Variants in PXMP4 observed in about 807,000 individuals in gnomAD.
PXMP4 encodes the protein 24 kDa peroxisomal intrinsic membrane protein.
PXMP4 carries 16 observed loss-of-function variants against 21.6 expected under a neutral mutation model. The ratio of observed to expected loss-of-function variants is 0.74; its 90% confidence interval spans 0.50 to 1.13. PXMP4 has a LOEUF of 1.13. Ranked by LOEUF, PXMP4 falls within the 50% of genes most tolerant of loss-of-function variation. The pLI is 0.00. For missense variants in PXMP4, 240 were observed against 277.7 expected (o/e 0.86, Z 0.96); for synonymous variants, 127 against 123.8 (o/e 1.03, Z -0.17).
chr20:33,707,623 T>A lies in PXMP4; in HGVS notation c.*83A>T. 1 of 1,524,440 alleles carries A rather than the reference T, an allele frequency of 6.6e-7. No homozygotes were observed. 94.4% of individuals were successfully genotyped at this position (1,524,440 alleles called of 1,614,324 possible). A position where few individuals can be genotyped will look rare whatever the true frequency, so the allele number is the denominator to read the frequency against. ...ATAACACCAGTTGGAGTCTGAGGCC[T>A]ATGATCTTGAGAAGGCAGTATCCTT... is the stretch of plus-strand genomic sequence containing the variant. On this transcript the variant is annotated 3_prime_UTR_variant, in exon 4 of 4. Coordinates refer to ENST00000409299, the MANE Select transcript of PXMP4 (RefSeq NM_007238.5).
At chr20:33,718,335 CCT>C (rs1205218538) in intron 1 of PXMP4, among the ~76,000 whole-genome samples, 2 of 151,688 alleles carry the variant, frequency 1.3e-5, no homozygotes, top group East Asian at 3.9e-4. Flanking sequence ...ACGGTGAAAC[CCT>C]GTCTCTACTA....
intron 3 of PXMP4, 107 bp downstream of exon 3, chr20:33,710,444 GCCCC>G: frequency 1.2e-5 from 1 of 84,986 alleles, no homozygotes; most frequent in Non-Finnish European, 1.7e-5. Context: ...ACTGAACCAC[GCCCC>G]CTTCCATCAC....
At position 33,714,710 on chromosome 20, in the gene PXMP4, T is replaced by C. The variant is rs750954996; in HGVS notation, c.140A>G (p.His47Arg). The part of the protein sequence containing the change: ...AVYGAKIRAP[H>R]ALVMTFLFRN... ...GAAGAGAAAGGTCATGACCAGCGCG[T>C]GAGGGGCCCGGATTTTGGCTCCATA... The change falls in exon 2 of 4, where the codon CAC becomes CGC. Residue 47 changes from histidine to arginine, a missense_variant. Transcript: ENST00000409299. 10 of 1,614,040 alleles carry C rather than the reference T, an allele frequency of 6.2e-6. No homozygotes were observed. In the South Asian group the frequency reaches 9.9e-5, roughly 16 times the overall value.
At chr20:33,716,000 A>G (rs925657646) in intron 1 of PXMP4, among the ~76,000 whole-genome samples, 1 of 151,162 alleles carries the variant, frequency 6.6e-6, no homozygotes, top group Non-Finnish European at 1.5e-5. Flanking sequence ...ATGTGCCACC[A>G]TGCCTGGCTA....
At chr20:33,713,472 T>C (rs896350193) in intron 2 of PXMP4, among the ~76,000 whole-genome samples, 3 of 152,182 alleles carry the variant, frequency 2.0e-5, no homozygotes, top group African/African-American at 7.2e-5. Flanking sequence ...CTTTCCCTTT[T>C]TCCCTGCTCT....
chr20:33,716,096 G>A (rs1395393955), intron 1 of PXMP4, among the ~76,000 whole-genome samples: 5 of 151,738 alleles, frequency 3.3e-5, no homozygotes, highest in African/African-American at 9.7e-5. Context: ...CGCCCACCTC[G>A]GCCTCCCAAA....
rs1278070760 is a variant in PXMP4 at position 33,706,387 on chromosome 20, G to T, written c.*1319C>A. ...CAGGAAGATTGCTTGAGGCTAGGAGGTCGAGACTAGCCCTAGTGACAGAGC... is the reference window on the plus strand; with the variant it reads ...CAGGAAGATTGCTTGAGGCTAGGAGTTCGAGACTAGCCCTAGTGACAGAGC... On this transcript the variant is annotated 3_prime_UTR_variant, in exon 4 of 4. Transcript: ENST00000409299. 2.0e-5 allele frequency: 3 copies of T among 151,608 alleles called. No individual in the cohort carries two copies. Among genetic ancestry groups the T allele is most frequent in the Non-Finnish European group, 4.4e-5 (3 of 67,910 alleles). 9.4% of individuals were successfully genotyped at this position (151,608 alleles called of 1,614,324 possible).
intron 3 of PXMP4, among the ~76,000 whole-genome samples, chr20:33,709,827 C>A: frequency 7.7e-6 from 1 of 129,660 alleles, no homozygotes; most frequent in Non-Finnish European, 1.6e-5. Flanking sequence ...TACTTCTACA[C>A]TGAACCACGT....
intron 1 of PXMP4, among the ~76,000 whole-genome samples, chr20:33,717,046 C>T (rs750208969): frequency 2.0e-5 from 3 of 152,042 alleles, no homozygotes; most frequent in Non-Finnish European, 4.4e-5. Context: ...GGTGTGGTGG[C>T]AGGCACCTGT....
intron 2 of PXMP4, 82 bp downstream of exon 2, chr20:33,714,592 G>C (rs1280817846): frequency 2.2e-6 from 3 of 1,374,998 alleles, no homozygotes; most frequent in Non-Finnish European, 3.1e-6. Flanking sequence ...GGGGGGACAG[G>C]GTAGACCCAG....
intron 3 of PXMP4, among the ~76,000 whole-genome samples, chr20:33,709,592 A>G (rs572638790): frequency 8.5e-5 from 13 of 152,146 alleles, no homozygotes; most frequent in African/African-American, 3.1e-4. Context: ...TGACCTTCCC[A>G]AGGTCACAGA....
intron 1 of PXMP4, among the ~76,000 whole-genome samples, chr20:33,715,841 CT>C (rs11475452): frequency 0.22 from 26,986 of 123,864 alleles, 2,366 homozygotes; most frequent in Admixed American, 0.28. Flanking sequence ...CAGCCAGTCT[CT>C]TTTTTTTTTT....
chr20:33,720,014 C>T, intron 1 of PXMP4, 81 bp downstream of exon 1: 1 of 1,324,260 alleles, frequency 7.6e-7, no homozygotes, highest in Non-Finnish European at 1.1e-6. Flanking sequence ...AACAGCACCG[C>T]GGCATCGGAC....
chr20:33,710,779 A>C, intron 2 of PXMP4, 26 bp from the exon 3 acceptor site: 1 of 1,568,610 alleles, frequency 6.4e-7, no homozygotes, highest in Admixed American at 1.8e-5. Context: ...TGCCCCTGCC[A>C]TGAGTGCAGG....
At chr20:33,719,892 G>T (rs191302506) in intron 1 of PXMP4, among the ~76,000 whole-genome samples, 1 of 152,334 alleles carries the variant, frequency 6.6e-6, no homozygotes, top group East Asian at 1.9e-4. Flanking sequence ...CAGAAAATGT[G>T]CAGTGGGAGC....
chr20:33,719,975 T>TA, intron 1 of PXMP4, 120 bp downstream of exon 1: 1 of 936,704 alleles, frequency 1.1e-6, no homozygotes, highest in African/African-American at 1.7e-5. Flanking sequence ...CTCCGAGACT[T>TA]AGAGACACAC....
Position 33,707,750 on chromosome 20 carries a change from T to C in PXMP4, c.595A>G (p.Ile199Val), listed in dbSNP as rs1361529655. ...TTGTTATAGACGAGGAAGTCTGAGA[T>C]GTCGTGCCATACATTGCTGTCCTCA... ...LYEDSNVWHD[I>V]SDFLVYNKSR... The change falls in exon 4 of 4, where the codon ATC becomes GTC. Residue 199 changes from isoleucine to valine, a missense_variant. Transcript: ENST00000409299. 1.1e-5 allele frequency: 18 copies of C among 1,613,972 alleles called. No individual in the cohort carries two copies. Among genetic ancestry groups the C allele is most frequent in the East Asian group, 2.2e-5 (1 of 44,888 alleles).
chr20:33,716,626 T>C (rs2018385591), intron 1 of PXMP4, among the ~76,000 whole-genome samples: 2 of 152,202 alleles, frequency 1.3e-5, no homozygotes, highest in South Asian at 4.1e-4. Flanking sequence ...GTGGGCTCTG[T>C]GAAGACAGGG....
intron 1 of PXMP4, among the ~76,000 whole-genome samples, chr20:33,719,498 G>A (rs1010536200): frequency 1.3e-5 from 2 of 152,192 alleles, no homozygotes; most frequent in Non-Finnish European, 2.9e-5. Context: ...AAAGGAGACT[G>A]AGCTCCCCTC....
Sources: gnomAD v4.1 joint callset for allele counts (sites outside exome capture counted in the v4.1 genomes callset) on GRCh38, gnomAD v4.1.1 for gene constraint, MANE v1.5 for transcripts, NCBI Gene and HGNC (gene_info 2026-07-23, HGNC 2026-07-21) for gene names.